ATAT1: variants seen among roughly 807,000 people sequenced by gnomAD.
ATAT1 encodes alpha tubulin acetyltransferase 1.
ATAT1 carries 42 observed loss-of-function variants against 57.2 expected under a neutral mutation model. The observed-to-expected ratio is 0.73, with a 90% confidence interval of 0.57 to 0.95. The LOEUF (loss-of-function observed/expected upper bound fraction) is 0.95, where lower values mean the gene tolerates loss of function less well. Ranked by LOEUF, ATAT1 falls within the 40% of genes least tolerant of loss-of-function variation. The pLI is 0.00. For synonymous variants in ATAT1, 168 were observed against 187.1 expected (o/e 0.90, Z 0.83); for missense variants, 454 against 523.7 (o/e 0.87, Z 1.30).
chr6:30,637,823 A>C (rs1052349239), intron 6 of ATAT1, among the ~76,000 whole-genome samples: 1 of 152,032 alleles, frequency 6.6e-6, no homozygotes, highest in Non-Finnish European at 1.5e-5. Context: ...TGAAAATACA[A>C]AAATTAGCTG....
At chr6:30,643,611 C>T in intron 10 of ATAT1, 1 of 1,550,526 alleles carries the variant, frequency 6.4e-7, no homozygotes, top group African/African-American at 1.4e-5. Flanking sequence ...CAGGGAACCC[C>T]TCCCTGAGAA....
At chr6:30,640,970 C>G (rs1290725668) in intron 8 of ATAT1, among the ~76,000 whole-genome samples, 2 of 152,098 alleles carry the variant, frequency 1.3e-5, no homozygotes, top group African/African-American at 4.8e-5. Flanking sequence ...AATAGTGACA[C>G]AAATGGCCCA....
rs1471610860 is a variant in ATAT1, at chr6:30,646,535, T to G, written c.1122T>G (p.Pro374=). ...GGGAGAAGCCCATGCACACAGCTCC[T>G]CCACAGGCCCCGGCCCCGCCAGCCC... Residue 374 remains proline (P), a synonymous_variant, in exon 13 of 13, where the codon CCT becomes CCG. Transcript: ENST00000330083. 6.3e-7 allele frequency: 1 copy of G among 1,591,366 alleles called. No individual in the cohort carries two copies. Among genetic ancestry groups the G allele is most frequent in the Non-Finnish European group, 8.6e-7 (1 of 1,169,252 alleles).
At chr6:30,637,767 A>C (rs1252540203) in intron 6 of ATAT1, among the ~76,000 whole-genome samples, 1 of 151,606 alleles carries the variant, frequency 6.6e-6, no homozygotes, top group African/African-American at 2.4e-5. Context: ...CACGAGGTCA[A>C]GAGATCAAGA....
chr6:30,628,579 A>T, intron 6 of ATAT1, 149 bp downstream of exon 6: 1 of 683,862 alleles, frequency 1.5e-6, no homozygotes, highest in Non-Finnish European at 2.4e-6. Flanking sequence ...ACCATCTCTC[A>T]TCCTGTAGTG....
chr6:30,630,777 A>G (rs1211560269), intron 6 of ATAT1, among the ~76,000 whole-genome samples: 3 of 152,062 alleles, frequency 2.0e-5, no homozygotes. Flanking sequence ...GTCTCTACTA[A>G]AAATATAAAA....
chr6:30,627,027 C>G lies in ATAT1; in HGVS notation c.-177C>G, dbSNP rs754856627. ...CAAACCCACCCTCTGGCCCTTTTCT[C>G]CCGGTTCCTCTCCAAACCTGGTCCA... On this transcript the variant is annotated 5_prime_UTR_variant, in exon 1 of 13. Transcript: ENST00000330083. The G allele has an allele frequency of 4.5e-6, 7 of 1,557,412 alleles. No homozygotes were observed. The African/African-American group carries it at 6.8e-5, about 15-fold the overall frequency.
intron 8 of ATAT1, among the ~76,000 whole-genome samples, chr6:30,640,928 G>T (rs1765275195): frequency 6.6e-6 from 1 of 152,092 alleles, no homozygotes; most frequent in African/African-American, 2.4e-5. Flanking sequence ...GGGACAGGCT[G>T]GTGCAAACAG....
chr6:30,641,163 C>T (rs1015059855), intron 8 of ATAT1, among the ~76,000 whole-genome samples: 3 of 151,366 alleles, frequency 2.0e-5, no homozygotes, highest in Admixed American at 6.6e-5. Flanking sequence ...AGTCTGAGCC[C>T]CACTCCTTCC....
In ATAT1 at chr6:30,642,832, A is replaced by AGT; in HGVS notation, c.754_755insTG (p.Ala252ValfsTer68). On this transcript the variant is annotated frameshift_variant, in exon 10 of 13. Transcript: ENST00000330083. LOFTEE classifies it high-confidence loss of function. ...GGGCCCCTCGCCGCGCCACACCTCC[A>AGT]GCCCACCCACCCCCCCGCTCCAGCA... 8.1e-7 allele frequency: 1 copy of AGT among 1,230,748 alleles called. No homozygotes were observed. 76.2% of individuals were successfully genotyped at this position (1,230,748 alleles called of 1,614,324 possible). A position where few individuals can be genotyped will look rare whatever the true frequency, so the allele number is the denominator to read the frequency against.
At chr6:30,637,251 A>G (rs893516570) in intron 6 of ATAT1, among the ~76,000 whole-genome samples, 1 of 152,212 alleles carries the variant, frequency 6.6e-6, no homozygotes, top group Non-Finnish European at 1.5e-5. Context: ...TTTTTGAGGT[A>G]GGTACTATTA....
rs753114944 is a variant in ATAT1, at chr6:30,626,894, C to G, written c.-310C>G. On this transcript the variant is annotated 5_prime_UTR_variant, in exon 1 of 13. Transcript: ENST00000330083. ...ACCGCGCACAATGGGCCATGGAGTT[C>G]CCGTTCGATGTGGACGCGCTGTTCC... 1 of 1,607,660 alleles carries G rather than the reference C, an allele frequency of 6.2e-7. No individual in the cohort carries two copies. The highest frequency in any genetic ancestry group is 8.5e-7 in the Non-Finnish European group (1 of 1,177,936).
intron 10 of ATAT1, 196 bp downstream of exon 10, chr6:30,643,207 T>G: frequency 7.0e-7 from 1 of 1,428,592 alleles, no homozygotes; most frequent in Non-Finnish European, 9.1e-7. Context: ...AATAGGACCT[T>G]ATATGGAGCC....
At chr6:30,632,371 G>A (rs904133210) in intron 6 of ATAT1, among the ~76,000 whole-genome samples, 11 of 151,040 alleles carry the variant, frequency 7.3e-5, no homozygotes, top group African/African-American at 2.2e-4. Context: ...TCAGGAGTTC[G>A]AGACCAGCCT....
chr6:30,641,596 C>T lies in ATAT1; in HGVS notation c.617-580C>T, dbSNP rs534963878. On this transcript the variant is annotated intron_variant, in intron 8 of 12. Transcript: ENST00000330083. ...GGAGGCTGAACTTTGGACATTACAT[C>T]AGCCTCCTGCTTACTCTGATAGCTC... Among the ~76,000 whole-genome samples, 89 of 152,170 alleles carry T rather than the reference C, an allele frequency of 5.8e-4. 1 individual carries two copies. Among genetic ancestry groups the T allele is most frequent in the African/African-American group, 2.0e-3 (84 of 41,500 alleles).
chr6:30,642,012 C>T, intron 8 of ATAT1, 164 bp from the exon 9 acceptor site: 2 of 1,497,906 alleles, frequency 1.3e-6, no homozygotes, highest in Non-Finnish European at 1.8e-6. Context: ...CCCTCAAATT[C>T]CCTTTTGGTG....
At chr6:30,642,288 T>C in intron 9 of ATAT1, 41 bp downstream of exon 9, 1 of 1,612,338 alleles carries the variant, frequency 6.2e-7, no homozygotes, top group Non-Finnish European at 8.5e-7. Flanking sequence ...CTGGGGTACC[T>C]TAACACAAGG....
chr6:30,639,197 G>A (rs1764843947), intron 6 of ATAT1, among the ~76,000 whole-genome samples: 1 of 152,116 alleles, frequency 6.6e-6, no homozygotes, highest in Non-Finnish European at 1.5e-5. Context: ...GGCCAGACCG[G>A]TCTTGAACTC....
chr6:30,642,833 G>GGGGGCGCGC lies in ATAT1; in HGVS notation c.754_755insGGGGCGCGC (p.Ala252delinsGlyGlyAlaPro). 1 of 1,537,876 alleles carries GGGGGCGCGC rather than the reference G, an allele frequency of 6.5e-7. No homozygotes were observed. Among genetic ancestry groups the GGGGGCGCGC allele is most frequent in the Non-Finnish European group, 8.7e-7 (1 of 1,145,782 alleles). On this transcript the variant is annotated protein_altering_variant, in exon 10 of 13. Coordinates refer to ENST00000330083, the MANE Select transcript of ATAT1 (RefSeq NM_001031722.4). Reference sequence around the variant, plus strand: ...GGCCCCTCGCCGCGCCACACCTCCAGCCCACCCACCCCCCCGCTCCAGCAG... The same window carrying GGGGGCGCGC: ...GGCCCCTCGCCGCGCCACACCTCCAGGGGGCGCGCCCCACCCACCCCCCCGCTCCAGCAG...
Sources: allele counts gnomAD v4.1 joint callset (sites outside exome capture counted in the v4.1 genomes callset), GRCh38; gene constraint gnomAD v4.1.1; transcripts MANE v1.5; gene names NCBI Gene and HGNC (gene_info 2026-07-23, HGNC 2026-07-21).